The following ZNF493 variants were observed in gnomAD, a reference collection of about 807,000 sequenced individuals.
The protein encoded by ZNF493 is zinc finger protein 493.
In ZNF493, 11 loss-of-function variants were observed where a neutral mutation model predicts 12.2. The ratio of observed to expected loss-of-function variants is 0.90; its 90% CI spans 0.57 to 1.50. The LOEUF (loss-of-function observed/expected upper bound fraction) is 1.50, where lower values mean the gene tolerates loss of function less well. ZNF493 is among the 40% of genes most tolerant of loss of function. The probability of loss-of-function intolerance (pLI) is 0.00; values close to 1 mark genes in which losing one functional copy is unlikely to be tolerated. For synonymous variants in ZNF493, 286 were observed against 302.6 expected (o/e 0.95, Z 0.57); for missense variants, 950 against 906.6 (o/e 1.05, Z -0.61).
intron 3 of ZNF493, among the ~76,000 whole-genome samples, chr19:21,420,981 C>G (rs552179522): frequency 6.6e-6 from 1 of 152,076 alleles, no homozygotes; most frequent in African/African-American, 2.4e-5. Flanking sequence ...CTCCCGACCT[C>G]AGGTTGTTGG....
At chr19:21,400,521 C>G (rs941875506) in intron 1 of ZNF493, among the ~76,000 whole-genome samples, 3 of 152,112 alleles carry the variant, frequency 2.0e-5, no homozygotes, top group Non-Finnish European at 2.9e-5. Flanking sequence ...GTGAGTAACT[C>G]TAACGTGAAA....
chr19:21,408,942 T>C, intron 3 of ZNF493: 1 of 515,982 alleles, frequency 1.9e-6, no homozygotes, highest in Non-Finnish European at 2.5e-6. Context: ...GAGTGTGCAG[T>C]GGAACAATCT....
intron 1 of ZNF493, among the ~76,000 whole-genome samples, chr19:21,401,998 C>T (rs967859668): frequency 7.3e-5 from 11 of 151,408 alleles, no homozygotes; most frequent in Non-Finnish European, 1.3e-4. Flanking sequence ...GATGGAGTCT[C>T]GCTCTGTCAC....
intron 3 of ZNF493, among the ~76,000 whole-genome samples, chr19:21,418,520 A>T (rs1224023249): frequency 2.0e-5 from 3 of 152,138 alleles, no homozygotes; most frequent in Non-Finnish European, 4.4e-5. Context: ...AGCCCCCATG[A>T]TGGACGCCAC....
intron 3 of ZNF493, among the ~76,000 whole-genome samples, chr19:21,416,689 C>T (rs1008660719): frequency 1.3e-5 from 2 of 152,136 alleles, no homozygotes; most frequent in Admixed American, 6.5e-5. Context: ...TCCTCCTGTT[C>T]GTTTAATTTC....
Position 21,425,023 on chromosome 19 carries a change from C to T in ZNF493, c.*39C>T. The T allele has an allele frequency of 1.3e-6, 2 of 1,565,208 alleles. No homozygotes were observed. The highest frequency in any genetic ancestry group is 2.7e-5 in the African/African-American group (2 of 72,808). On this transcript the variant is annotated 3_prime_UTR_variant, in exon 4 of 4. Coordinates refer to ENST00000392288, the MANE Select transcript of ZNF493 (RefSeq NM_001076678.3). The stretch of plus-strand genomic sequence containing the variant: ...GGCCTTTACTGCTCCTATTCCCTTA[C>T]TAAAGAATGTGGCAAAGCTTTTCAC...
intron 3 of ZNF493, 50 bp downstream of exon 3, chr19:21,405,906 TTA>T: frequency 2.2e-5 from 7 of 320,814 alleles, no homozygotes; most frequent in Non-Finnish European, 2.7e-5. Flanking sequence ...GTTGAAAGAT[TTA>T]AAAAAAAAAA....
chr19:21,414,453 A>C (rs1398194803), intron 3 of ZNF493: 1 of 152,258 alleles, frequency 6.6e-6, no homozygotes, highest in African/African-American at 2.4e-5. Flanking sequence ...GTTAGCAACT[A>C]GGCAATCGGC....
chr19:21,417,626 T>C (rs2030533413), intron 3 of ZNF493, among the ~76,000 whole-genome samples: 1 of 152,192 alleles, frequency 6.6e-6, no homozygotes, highest in African/African-American at 2.4e-5. Context: ...TCCCAAGCTG[T>C]AATACACACT....
chr19:21,407,082 T>C (rs1173979679), intron 3 of ZNF493, among the ~76,000 whole-genome samples: 1 of 151,998 alleles, frequency 6.6e-6, no homozygotes, highest in Non-Finnish European at 1.5e-5. Context: ...GCACGGTGGC[T>C]GGGGCCTGTA....
In ZNF493 at chr19:21,422,915, A is replaced by T. The variant is rs1353785151; in HGVS notation, c.256A>T (p.Ile86Leu). 3.2e-6 allele frequency: 5 copies of T among 1,545,924 alleles called. No individual in the cohort carries two copies. Among genetic ancestry groups the T allele is most frequent in the Non-Finnish European group, 3.5e-6 (4 of 1,152,212 alleles). Residue 86 changes from isoleucine to leucine, a missense_variant and splice_region_variant, in exon 4 of 4, where the codon ATA (isoleucine) becomes TTA (leucine). Physicochemically the swap from Ile to Leu is conservative, Grantham distance 5. Coordinates refer to ENST00000392288, the MANE Select transcript of ZNF493 (RefSeq NM_001076678.3). ...GHSTVVKPPV[I>L]CSHFAEDFCP... ...TTTGATATTTTTATTTCTTTCAGTTATATGTTCTCATTTTGCTGAAGACTT... is the reference window on the plus strand; with the variant it reads ...TTTGATATTTTTATTTCTTTCAGTTTTATGTTCTCATTTTGCTGAAGACTT...
intron 2 of ZNF493, 26 bp from the exon 3 acceptor site, chr19:21,405,735 C>T: frequency 6.3e-7 from 1 of 1,582,020 alleles, no homozygotes; most frequent in Non-Finnish European, 8.7e-7. Context: ...GAGCAAGATT[C>T]ATGTTATTTA....
At position 21,422,896 on chromosome 19, in the gene ZNF493, A is replaced by AT. The variant is rs775193769; in HGVS notation, c.254-12dup. ...AGTCTAGTAAGTGGAGTAATTTGAT[A>AT]TTTTTATTTCTTTCAGTTATATGTT... On this transcript the variant is annotated splice_polypyrimidine_tract_variant and intron_variant, in intron 3 of 3. Transcript: ENST00000392288. The AT allele has an allele frequency of 2.6e-6, 4 of 1,523,710 alleles. No homozygotes were observed. Among genetic ancestry groups the AT allele is most frequent in the Non-Finnish European group, 3.5e-6 (4 of 1,141,060 alleles). 94.4% of individuals were successfully genotyped at this position (1,523,710 alleles called of 1,614,324 possible).
At chr19:21,408,806 A>G (rs1265041853) in intron 3 of ZNF493, 3 of 980,490 alleles carry the variant, frequency 3.1e-6, no homozygotes, top group South Asian at 4.7e-5. Context: ...ACAATCATAT[A>G]TGTGTGTGTG....
intron 3 of ZNF493, chr19:21,412,595 G>A (rs960034048): frequency 6.4e-6 from 1 of 155,112 alleles, no homozygotes; most frequent in Non-Finnish European, 1.4e-5. Context: ...ACTTCTCGCA[G>A]GAGTCAGGAT....
chr19:21,405,620 T>C, intron 2 of ZNF493, 141 bp from the exon 3 acceptor site: 1 of 1,082,764 alleles, frequency 9.2e-7, no homozygotes, highest in Non-Finnish European at 1.2e-6. Context: ...TTTCTAAATG[T>C]TAAGAACTTT....
rs2030738808 is a variant in ZNF493, at chr19:21,423,273, T to G, written c.614T>G (p.Ile205Ser). Residue 205 changes from isoleucine (I) to serine (S), a missense_variant, in exon 4 of 4, where the codon ATT (isoleucine) becomes AGT (serine). Ile to Ser is a moderately radical substitution (Grantham distance 142). Coordinates refer to ENST00000392288, the MANE Select transcript of ZNF493 (RefSeq NM_001076678.3). The stretch of plus-strand genomic sequence containing the variant: ...CTATGTCAGCATAAAAGAATTCATA[T>G]TAGAGAGAATTCTTACCGATGTGAA... ...LHLCQHKRIH[I>S]RENSYRCEEC... The G allele has an allele frequency of 6.2e-7, 1 of 1,613,766 alleles. No individual in the cohort carries two copies. The highest frequency in any genetic ancestry group is 8.5e-7 in the Non-Finnish European group (1 of 1,179,828).
intron 3 of ZNF493, among the ~76,000 whole-genome samples, chr19:21,410,517 T>C (rs2359148): frequency 0.031 from 4,685 of 152,174 alleles, 167 homozygotes; most frequent in African/African-American, 0.073. Flanking sequence ...CTGATGAAAA[T>C]TTTGTTCAAT....
chr19:21,414,700 T>A (rs2030428839), intron 3 of ZNF493: 1 of 152,198 alleles, frequency 6.6e-6, no homozygotes, highest in Admixed American at 6.5e-5. Context: ...AGTCAATACC[T>A]CAATTGCAGC....
Sources: allele counts gnomAD v4.1 joint callset (sites outside exome capture counted in the v4.1 genomes callset), GRCh38; gene constraint gnomAD v4.1.1; transcripts MANE v1.5; gene names NCBI Gene and HGNC (gene_info 2026-07-23, HGNC 2026-07-21).